C12orf56: variants seen among roughly 807,000 people sequenced by gnomAD.
The protein encoded by C12orf56 is uncharacterized protein C12orf56.
A neutral mutation model predicts 69.9 loss-of-function variants in C12orf56; 71 were observed. That is an observed-to-expected ratio of 1.02 (90% CI 0.84 to 1.24). The LOEUF is 1.24. Among genes scored for constraint, C12orf56 ranks in the 50% most tolerant of loss-of-function variants. C12orf56 has a pLI of 0.00. For synonymous variants in C12orf56, 276 were observed against 274.1 expected (o/e 1.01, Z -0.07); for missense variants, 732 against 738.5 (o/e 0.99, Z 0.10).
At chr12:64,305,140 A>C (rs2038495009) in intron 5 of C12orf56, among the ~76,000 whole-genome samples, 1 of 152,138 alleles carries the variant, frequency 6.6e-6, no homozygotes, top group Non-Finnish European at 1.5e-5. Flanking sequence ...CTGAAAAAAA[A>C]ATGGTCTCTT....
At position 64,267,218 on chromosome 12, in the gene C12orf56, G is replaced by A. The variant is rs749537745; in HGVS notation, c.1834C>T (p.Gln612Ter). 7 of 1,611,854 alleles carry A rather than the reference G, an allele frequency of 4.3e-6. No individual in the cohort carries two copies. The highest frequency in any genetic ancestry group is 5.1e-6 in the Non-Finnish European group (6 of 1,179,098). ...AATTTCAGAACTTCATGAAAAAGTTGAATGGTAGGTTGAGTGATGGGGTAA... is the reference window on the plus strand; with the variant it reads ...AATTTCAGAACTTCATGAAAAAGTTAAATGGTAGGTTGAGTGATGGGGTAA... ...LCYPITQPTI[Q>*]LFHEVLKLVE is the part of the protein sequence containing the mutation. Residue 612 changes from glutamine (Q) to a stop codon, truncating the protein, a stop_gained, in exon 13 of 13, where the codon CAA becomes TAA. Transcript: ENST00000543942. LOFTEE classifies it high-confidence loss of function.
chr12:64,357,538 G>C (rs1437763823), intron 1 of C12orf56, among the ~76,000 whole-genome samples: 3 of 151,426 alleles, frequency 2.0e-5, no homozygotes, highest in Admixed American at 6.6e-5. Flanking sequence ...TCAGCTTCCT[G>C]AGTAGCTGAG....
intron 1 of C12orf56, among the ~76,000 whole-genome samples, chr12:64,366,342 T>G (rs1190767181): frequency 2.2e-5 from 2 of 90,522 alleles, no homozygotes; most frequent in African/African-American, 4.3e-5. Context: ...ATACAGTTTA[T>G]ATATTATATA....
chr12:64,332,308 A>AT (rs1164742768), intron 2 of C12orf56, among the ~76,000 whole-genome samples: 16 of 151,608 alleles, frequency 1.1e-4, no homozygotes, highest in African/African-American at 3.9e-4. Context: ...ATCTCAAAAA[A>AT]AAAAAAAAAA....
At chr12:64,301,735 G>A (rs1011815733) in intron 6 of C12orf56, among the ~76,000 whole-genome samples, 2 of 152,050 alleles carry the variant, frequency 1.3e-5, no homozygotes, top group African/African-American at 2.4e-5. Flanking sequence ...TCTGTATCTC[G>A]TTATTGGGCC....
chr12:64,361,116 G>C (rs528843712), intron 1 of C12orf56, among the ~76,000 whole-genome samples: 3 of 152,274 alleles, frequency 2.0e-5, no homozygotes, highest in Admixed American at 1.3e-4. Context: ...CTACTCAGGA[G>C]GCTGAGGCAG....
chr12:64,363,462 A>G (rs1164803706), intron 1 of C12orf56, among the ~76,000 whole-genome samples: 1 of 152,118 alleles, frequency 6.6e-6, no homozygotes, highest in Non-Finnish European at 1.5e-5. Context: ...CACGAGGGGG[A>G]TATCATCTCG....
chr12:64,311,898 C>G (rs1412126356), intron 5 of C12orf56, among the ~76,000 whole-genome samples: 2 of 152,056 alleles, frequency 1.3e-5, no homozygotes, highest in African/African-American at 2.4e-5. Context: ...GGCAGAGAGA[C>G]CAGCTAGGAA....
In C12orf56 at chr12:64,267,152, C is replaced by T; in HGVS notation, c.*31G>A. On this transcript the variant is annotated 3_prime_UTR_variant, in exon 13 of 13. Transcript: ENST00000543942. ...GTTGACTCTTGATTAACATTTTATA[C>T]TCTTATTAACATTGCGTACATTGTT... 2.8e-6 allele frequency: 4 copies of T among 1,443,390 alleles called. No homozygotes were observed. Among genetic ancestry groups the T allele is most frequent in the Non-Finnish European group, 3.8e-6 (4 of 1,053,474 alleles). The allele number at this position is 1,443,390 out of a possible 1,614,324, so 89.4% of individuals were successfully genotyped here. A position where few individuals can be genotyped will look rare whatever the true frequency, so the allele number is the denominator to read the frequency against.
chr12:64,275,946 T>A (rs2038044714), intron 9 of C12orf56, among the ~76,000 whole-genome samples: 1 of 151,874 alleles, frequency 6.6e-6, no homozygotes, highest in African/African-American at 2.4e-5. Flanking sequence ...ATATTTGATT[T>A]GCAAAATCAA....
At chr12:64,360,200 C>T (rs938129509) in intron 1 of C12orf56, among the ~76,000 whole-genome samples, 13 of 151,840 alleles carry the variant, frequency 8.6e-5, no homozygotes, top group Non-Finnish European at 1.8e-4. Context: ...CTGAGGCCAG[C>T]GATTGCATGA....
intron 8 of C12orf56, among the ~76,000 whole-genome samples, chr12:64,284,369 C>T (rs1048733869): frequency 5.3e-5 from 8 of 152,140 alleles, no homozygotes; most frequent in African/African-American, 9.7e-5. Flanking sequence ...GGAGATCCCC[C>T]GGCTTTTAAT....
intron 1 of C12orf56, among the ~76,000 whole-genome samples, chr12:64,378,907 C>T (rs979736973): frequency 3.3e-5 from 5 of 151,582 alleles, no homozygotes; most frequent in African/African-American, 9.7e-5. Flanking sequence ...AAACATTAGC[C>T]GGGTGTGGTG....
intron 3 of C12orf56, among the ~76,000 whole-genome samples, chr12:64,327,116 A>G (rs2093765304): frequency 6.6e-6 from 1 of 152,214 alleles, no homozygotes; most frequent in Non-Finnish European, 1.5e-5. Flanking sequence ...GAGTGTCCCC[A>G]CCAGCAAGAA....
chr12:64,376,897 C>A (rs772057454), intron 1 of C12orf56, among the ~76,000 whole-genome samples: 1 of 151,164 alleles, frequency 6.6e-6, no homozygotes, highest in Non-Finnish European at 1.5e-5. Context: ...TGGAGTGCAG[C>A]GGCCAGGTAG....
At chr12:64,350,830 C>G (rs1023412385) in intron 2 of C12orf56, among the ~76,000 whole-genome samples, 16 of 152,156 alleles carry the variant, frequency 1.1e-4, no homozygotes, top group Non-Finnish European at 2.1e-4. Flanking sequence ...TGCAAATAAT[C>G]AGGCCAAATA....
At chr12:64,313,985 G>A (rs1047594742) in intron 4 of C12orf56, among the ~76,000 whole-genome samples, 17 of 145,820 alleles carry the variant, frequency 1.2e-4, no homozygotes, top group African/African-American at 4.4e-4. Flanking sequence ...AGAGGTTGCC[G>A]TGAGCCAAGA....
chr12:64,287,109 C>T (rs4606564), intron 6 of C12orf56, among the ~76,000 whole-genome samples: 143,898 of 151,910 alleles, frequency 0.95, 68,622 homozygotes, highest in East Asian at 1. Flanking sequence ...TGGTAGCATG[C>T]GCCTGTAATC....
chr12:64,342,816 C>T (rs2039091993), intron 2 of C12orf56, among the ~76,000 whole-genome samples: 1 of 152,200 alleles, frequency 6.6e-6, no homozygotes, highest in Non-Finnish European at 1.5e-5. Flanking sequence ...GGGCCTTGCT[C>T]CAAAATCCTA....
Sources: allele counts gnomAD v4.1 joint callset (sites outside exome capture counted in the v4.1 genomes callset), GRCh38; gene constraint gnomAD v4.1.1; transcripts MANE v1.5; gene names NCBI Gene and HGNC (gene_info 2026-07-23, HGNC 2026-07-21).